Variants in ADCY8 observed in about 807,000 individuals in gnomAD.
ADCY8 encodes adenylate cyclase 8.
In ADCY8, 51 loss-of-function variants were observed where a neutral mutation model predicts 119.7. The observed-to-expected ratio is 0.43, with a 90% CI of 0.34 to 0.54. The LOEUF is 0.54. ADCY8 is among the 20% of genes least tolerant of loss of function. The pLI, the probability that ADCY8 is intolerant of heterozygous loss-of-function variation, is 0.03. For missense variants in ADCY8, 1,383 were observed against 1,598.8 expected (o/e 0.87, Z 2.30); for synonymous variants, 665 against 651.0 (o/e 1.02, Z -0.33).
intron 11 of ADCY8, among the ~76,000 whole-genome samples, chr8:130,844,417 C>T (rs1362869341): frequency 6.6e-6 from 1 of 152,122 alleles, no homozygotes. Flanking sequence ...ATTGTAAAAG[C>T]CTCATTTTTT....
At chr8:130,816,057 T>A (rs188934520) in intron 13 of ADCY8, among the ~76,000 whole-genome samples, 10 of 152,350 alleles carry the variant, frequency 6.6e-5, no homozygotes, top group Non-Finnish European at 1.3e-4. Flanking sequence ...CATGGTGAGC[T>A]GCCCTGAATT....
intron 9 of ADCY8, among the ~76,000 whole-genome samples, chr8:130,861,451 T>C (rs1361505741): frequency 1.3e-5 from 2 of 150,218 alleles, no homozygotes; most frequent in Non-Finnish European, 1.5e-5. Flanking sequence ...CTATTGTAAA[T>C]AATATTGTTT....
intron 3 of ADCY8, among the ~76,000 whole-genome samples, chr8:130,948,501 T>C (rs1272569417): frequency 2.6e-5 from 4 of 152,128 alleles, no homozygotes; most frequent in African/African-American, 9.7e-5. Context: ...AGGGTGTGGC[T>C]ACCCCAGCCC....
intron 1 of ADCY8, among the ~76,000 whole-genome samples, chr8:131,010,625 T>G (rs1414227227): frequency 6.6e-6 from 1 of 152,294 alleles, no homozygotes; most frequent in Middle Eastern, 3.4e-3. Context: ...AATAAAGCAC[T>G]TTAAATAATT....
At chr8:130,906,300 C>T (rs368610700) in intron 6 of ADCY8, among the ~76,000 whole-genome samples, 3 of 152,286 alleles carry the variant, frequency 2.0e-5, no homozygotes, top group African/African-American at 4.8e-5. Context: ...TACCTTTTCT[C>T]CTAGACAAAA....
At chr8:131,015,545 A>T (rs1363904065) in intron 1 of ADCY8, among the ~76,000 whole-genome samples, 2 of 152,202 alleles carry the variant, frequency 1.3e-5, no homozygotes, top group Non-Finnish European at 2.9e-5. Flanking sequence ...TTTTACAGAG[A>T]CTTTAAAAAC....
chr8:130,993,287 G>A (rs1822659423), intron 1 of ADCY8, among the ~76,000 whole-genome samples: 1 of 152,124 alleles, frequency 6.6e-6, no homozygotes, highest in Admixed American at 6.6e-5. Flanking sequence ...ACATTTAATA[G>A]CACAGCCTCA....
intron 15 of ADCY8, among the ~76,000 whole-genome samples, chr8:130,794,962 A>G (rs1356254404): frequency 6.6e-6 from 1 of 152,176 alleles, no homozygotes; most frequent in East Asian, 1.9e-4. Context: ...GGTGGCTCAC[A>G]TCTGTAATCC....
chr8:130,950,446 C>G (rs1821236165), intron 3 of ADCY8, among the ~76,000 whole-genome samples: 1 of 151,542 alleles, frequency 6.6e-6, no homozygotes, highest in Admixed American at 6.6e-5. Flanking sequence ...GGTTTGGGGG[C>G]TGGTTTGGGG....
chr8:130,886,317 G>T (rs1818981673), intron 7 of ADCY8, among the ~76,000 whole-genome samples: 1 of 152,012 alleles, frequency 6.6e-6, no homozygotes, highest in African/African-American at 2.4e-5. Flanking sequence ...GTACCAAAGA[G>T]ACTACTATAG....
At chr8:130,781,958 T>C (rs1056010644) in intron 17 of ADCY8, among the ~76,000 whole-genome samples, 1 of 152,148 alleles carries the variant, frequency 6.6e-6, no homozygotes, top group Non-Finnish European at 1.5e-5. Context: ...CTGGTCCCCA[T>C]GGAATTTACC....
At chr8:131,003,133 A>T (rs1823003613) in intron 1 of ADCY8, among the ~76,000 whole-genome samples, 1 of 151,542 alleles carries the variant, frequency 6.6e-6, no homozygotes, top group East Asian at 2.0e-4. Flanking sequence ...CCCAGGAGGT[A>T]GAGGTTGCAG....
chr8:131,039,797 G>A lies in ADCY8; in HGVS notation c.537C>T (p.Arg179=). The change falls in exon 1 of 18, where the codon CGC becomes CGT. Residue 179 remains arginine, a synonymous_variant. Transcript: ENST00000286355. ...LYQRYFLGQR[R]KSEVVMNVLD... is the part of the protein sequence containing the mutation. ...GCACGTTCATCACCACTTCCGATTT[G>A]CGCCTTTGGCCCAAGAAATAGCGCT... 1.9e-6 allele frequency: 3 copies of A among 1,614,208 alleles called. No homozygotes were observed. Among genetic ancestry groups the A allele is most frequent in the African/African-American group, 1.3e-5 (1 of 75,052 alleles).
Position 130,908,916 on chromosome 8 carries a change from G to T in ADCY8, c.1640+792C>A, listed in dbSNP as rs142270916. On this transcript the variant is annotated intron_variant, in intron 6 of 17. Coordinates refer to ENST00000286355, the MANE Select transcript of ADCY8 (RefSeq NM_001115.3). Reference sequence around the variant, plus strand: ...TAAACATAGTTTGCAAGGAGTGATGGCACATACCAGAGAAATCTGTGACTC... The same window carrying T: ...TAAACATAGTTTGCAAGGAGTGATGTCACATACCAGAGAAATCTGTGACTC... Among the ~76,000 whole-genome samples the T allele has an allele frequency of 2.2e-3, 333 of 152,086 alleles. 3 individuals are homozygous for T. Among genetic ancestry groups the T allele is most frequent in the Admixed American group, 0.019 (295 of 15,260 alleles).
chr8:130,982,563 A>C (rs1267833031), intron 2 of ADCY8, among the ~76,000 whole-genome samples: 1 of 152,228 alleles, frequency 6.6e-6, no homozygotes, highest in Non-Finnish European at 1.5e-5. Context: ...AGATGAGGAA[A>C]CTCACATACA....
At chr8:130,910,011 GCCT>G (rs1819929801) in intron 5 of ADCY8, 145 bp from the exon 6 acceptor site, 1 of 711,736 alleles carries the variant, frequency 1.4e-6, no homozygotes, top group Non-Finnish European at 2.3e-6. Context: ...TGCAACCTCT[GCCT>G]CCCGGGTTCA....
At chr8:130,904,509 T>A (rs1454984226) in intron 6 of ADCY8, among the ~76,000 whole-genome samples, 3 of 152,242 alleles carry the variant, frequency 2.0e-5, no homozygotes, top group African/African-American at 7.2e-5. Flanking sequence ...TCAATCTTCA[T>A]GTATTTGTAA....
chr8:130,981,150 G>A (rs1172495201), intron 2 of ADCY8, among the ~76,000 whole-genome samples: 2 of 152,166 alleles, frequency 1.3e-5, no homozygotes, highest in African/African-American at 4.8e-5. Context: ...GTGTGGGCAA[G>A]ACATTTGCAA....
intron 8 of ADCY8, among the ~76,000 whole-genome samples, chr8:130,869,940 T>TC (rs1159477168): frequency 3.1e-4 from 31 of 101,344 alleles, no homozygotes; most frequent in African/African-American, 6.6e-4. Context: ...CTCCTCCTCC[T>TC]CTTCTTCTTC....
Sources: gnomAD v4.1 joint callset for allele counts (sites outside exome capture counted in the v4.1 genomes callset) on GRCh38, gnomAD v4.1.1 for gene constraint, MANE v1.5 for transcripts, NCBI Gene and HGNC (gene_info 2026-07-23, HGNC 2026-07-21) for gene names.